ME1: variants seen among roughly 807,000 people sequenced by gnomAD.
The protein encoded by ME1 is NADP-dependent malic enzyme.
In ME1, 74 loss-of-function variants were observed where a neutral mutation model predicts 66.4. The observed-to-expected ratio is 1.11, with a 90% CI of 0.92 to 1.35. The LOEUF (loss-of-function observed/expected upper bound fraction) is 1.35, where lower values mean the gene tolerates loss of function less well. ME1 is among the 40% of genes most tolerant of loss of function. The pLI is 0.00. For synonymous variants in ME1, 251 were observed against 235.6 expected, an observed-to-expected ratio of 1.07 and a Z score of -0.60; for missense variants, 750 against 694.1, an observed-to-expected ratio of 1.08 and a Z score of -0.90.
intron 7 of ME1, among the ~76,000 whole-genome samples, chr6:83,243,601 T>C (rs1218473781): frequency 1.1e-5 from 1 of 93,592 alleles, no homozygotes; most frequent in Non-Finnish European, 1.8e-5. Flanking sequence ...TAATCTATTA[T>C]AATTACATTA....
intron 1 of ME1, among the ~76,000 whole-genome samples, chr6:83,429,788 C>A (rs1770447313): frequency 6.6e-6 from 1 of 152,094 alleles, no homozygotes. Flanking sequence ...AGGAACACGA[C>A]AAGGAAAAAG....
chr6:83,213,987 T>A (rs1277907149), intron 13 of ME1, among the ~76,000 whole-genome samples: 2 of 152,218 alleles, frequency 1.3e-5, no homozygotes, highest in African/African-American at 2.4e-5. Context: ...AAAGTGCCCA[T>A]AATATGGTAG....
At chr6:83,393,455 C>T (rs371710313) in intron 3 of ME1, 34 of 551,362 alleles carry the variant, frequency 6.2e-5, no homozygotes, top group South Asian at 3.7e-4. Context: ...GGGAAGAGAG[C>T]GGCCCTCACT....
At chr6:83,255,981 C>T (rs1029057509) in intron 6 of ME1, among the ~76,000 whole-genome samples, 2 of 152,108 alleles carry the variant, frequency 1.3e-5, no homozygotes, top group African/African-American at 4.8e-5. Flanking sequence ...TGCTTTAATT[C>T]CTACAGCTTT....
intron 9 of ME1, among the ~76,000 whole-genome samples, chr6:83,231,588 G>A (rs1288393121): frequency 6.6e-6 from 1 of 152,154 alleles, no homozygotes; most frequent in African/African-American, 2.4e-5. Flanking sequence ...GTAATACTGA[G>A]GCAACTACCT....
chr6:83,391,862 C>A (rs1482179770), intron 3 of ME1, among the ~76,000 whole-genome samples: 1 of 152,160 alleles, frequency 6.6e-6, no homozygotes, highest in Non-Finnish European at 1.5e-5. Context: ...TATCATCTTC[C>A]AATGAGACCC....
intron 5 of ME1, among the ~76,000 whole-genome samples, chr6:83,317,745 C>G (rs1270819430): frequency 3.3e-5 from 5 of 152,104 alleles, no homozygotes; most frequent in South Asian, 2.1e-4. Flanking sequence ...TTTACAGATT[C>G]AATGCCATCC....
chr6:83,223,975 A>C (rs1356751650), intron 11 of ME1, 42 bp from the exon 12 acceptor site: 1 of 1,561,280 alleles, frequency 6.4e-7, no homozygotes, highest in Non-Finnish European at 8.8e-7. Flanking sequence ...AAAGAAGCAG[A>C]ATATTTTAAA....
chr6:83,394,620 C>T (rs1490332832), intron 3 of ME1, among the ~76,000 whole-genome samples: 2 of 152,180 alleles, frequency 1.3e-5, no homozygotes, highest in African/African-American at 4.8e-5. Context: ...TTCAATATTG[C>T]TTTCCGATAA....
At chr6:83,399,086 T>G (rs1769795825) in intron 2 of ME1, among the ~76,000 whole-genome samples, 1 of 152,102 alleles carries the variant, frequency 6.6e-6, no homozygotes. Flanking sequence ...CTCTGTCTCC[T>G]GGGTTCAAGC....
At chr6:83,322,620 G>A (rs956511439) in intron 5 of ME1, among the ~76,000 whole-genome samples, 1 of 152,094 alleles carries the variant, frequency 6.6e-6, no homozygotes, top group African/African-American at 2.4e-5. Flanking sequence ...ATAATGAAAA[G>A]GAATGAAGAA....
intron 7 of ME1, among the ~76,000 whole-genome samples, chr6:83,253,262 C>CTGGG (rs1001347476): frequency 6.6e-6 from 1 of 152,100 alleles, no homozygotes; most frequent in Admixed American, 6.5e-5. Flanking sequence ...GCAGCTCCTA[C>CTGGG]TGGGGTAAAG....
intron 6 of ME1, among the ~76,000 whole-genome samples, chr6:83,302,720 AG>A (rs1214825172): frequency 1.3e-5 from 2 of 152,226 alleles, no homozygotes; most frequent in Non-Finnish European, 2.9e-5. Flanking sequence ...TGGGGGAAGA[AG>A]GAGCAGTTTA....
intron 7 of ME1, among the ~76,000 whole-genome samples, chr6:83,241,418 C>T (rs1180227): frequency 0.48 from 72,826 of 151,924 alleles, 18,511 homozygotes; most frequent in African/African-American, 0.66. Flanking sequence ...GAATTGGACA[C>T]TTACGGTCAG....
At chr6:83,283,830 G>T (rs1767351241) in intron 6 of ME1, among the ~76,000 whole-genome samples, 1 of 152,114 alleles carries the variant, frequency 6.6e-6, no homozygotes, top group African/African-American at 2.4e-5. Flanking sequence ...AGAGGAACTA[G>T]AGGAACAAGA....
At chr6:83,235,254 A>G (rs1409412967) in intron 9 of ME1, among the ~76,000 whole-genome samples, 1 of 152,064 alleles carries the variant, frequency 6.6e-6, no homozygotes, top group Non-Finnish European at 1.5e-5. Flanking sequence ...TAATACTTTC[A>G]TATGGTTCTA....
rs905228898 is a variant in ME1, at chr6:83,292,988, A to C, written c.704+22322T>G. On this transcript the variant is annotated intron_variant, in intron 6 of 13. Coordinates refer to ENST00000369705, the MANE Select transcript of ME1 (RefSeq NM_002395.6). ...GGATCTCCTGGTCTGCCGGTTGCAA[A>C]GATCATGGGAAAAGCACAGTATTTG... is the stretch of plus-strand genomic sequence containing the variant. Among the ~76,000 whole-genome samples, 4 of 152,280 alleles carry C rather than the reference A, an allele frequency of 2.6e-5. No homozygotes were observed. In the East Asian group the frequency reaches 5.8e-4, roughly 22 times the overall value.
At chr6:83,302,401 C>T (rs1186514190) in intron 6 of ME1, among the ~76,000 whole-genome samples, 1 of 152,036 alleles carries the variant, frequency 6.6e-6, no homozygotes, top group Non-Finnish European at 1.5e-5. Context: ...AACAAACCCC[C>T]ATCATACAAG....
intron 6 of ME1, among the ~76,000 whole-genome samples, chr6:83,277,429 C>A (rs1272903598): frequency 2.0e-5 from 3 of 152,180 alleles, no homozygotes; most frequent in Admixed American, 2.0e-4. Flanking sequence ...AAACCAATGT[C>A]CACTACAAGT....
Sources: gnomAD v4.1 joint callset for allele counts (sites outside exome capture counted in the v4.1 genomes callset) on GRCh38, gnomAD v4.1.1 for gene constraint, MANE v1.5 for transcripts, NCBI Gene and HGNC (gene_info 2026-07-23, HGNC 2026-07-21) for gene names.